BATF3: variants seen among roughly 807,000 people sequenced by gnomAD.
BATF3 encodes basic leucine zipper transcriptional factor ATF-like 3.
BATF3 carries 8 observed loss-of-function variants against 16.1 expected under a neutral mutation model. The observed-to-expected ratio is 0.50, with a 90% CI of 0.29 to 0.90. The LOEUF is 0.90. Among genes scored for constraint, BATF3 ranks in the 40% least tolerant of loss-of-function variants. The probability of loss-of-function intolerance (pLI) is 0.08; values close to 1 mark genes in which losing one functional copy is unlikely to be tolerated. For missense variants in BATF3, 139 were observed against 167.0 expected, an observed-to-expected ratio of 0.83 and a Z score of 0.92; for synonymous variants, 74 against 72.7, an observed-to-expected ratio of 1.02 and a Z score of -0.09.
intron 2 of BATF3, among the ~76,000 whole-genome samples, 194 bp downstream of exon 2, chr1:212,696,767 G>A (rs1254084727): frequency 6.6e-6 from 1 of 152,188 alleles, no homozygotes; most frequent in Non-Finnish European, 1.5e-5. Context: ...TTGACCATGA[G>A]AAGCACTCAG....
chr1:212,696,433 T>C (rs1283217276), intron 2 of BATF3, among the ~76,000 whole-genome samples: 2 of 151,688 alleles, frequency 1.3e-5, no homozygotes, highest in African/African-American at 2.4e-5. Flanking sequence ...GGTGTGTGTG[T>C]GTGTGTGTGT....
In BATF3 at chr1:212,691,435, T is replaced by C. The variant is rs535247764; in HGVS notation, c.196-4456A>G. ...CTGCTTTTAGTTAGCAGTGCCTGGG[T>C]CCAGATTTCCCCATGATGGTTACCA... On this transcript the variant is annotated intron_variant, in intron 2 of 2. Transcript: ENST00000243440. Among the ~76,000 whole-genome samples, 5 of 152,252 alleles carry C rather than the reference T, an allele frequency of 3.3e-5. No homozygotes were observed. In the South Asian group the frequency reaches 1.0e-3, roughly 32 times the overall value.
intron 2 of BATF3, among the ~76,000 whole-genome samples, chr1:212,694,406 A>C (rs1657077446): frequency 6.6e-6 from 1 of 152,074 alleles, no homozygotes; most frequent in Admixed American, 6.5e-5. Context: ...GCAAGGCATG[A>C]GATCTTCCTC....
chr1:212,697,416 T>G (rs947247882), intron 1 of BATF3: 1 of 156,058 alleles, frequency 6.4e-6, no homozygotes, highest in African/African-American at 2.6e-5. Flanking sequence ...CCACAGGGCG[T>G]GTGCCTGGAA....
rs149961248 is a variant in BATF3, at chr1:212,693,233, C to G, written c.195+3728G>C. ...TGGAAGGAACAGGGAAGGGATTACT[C>G]ACGTGGTGAGTAATGATTTGGTTCA... On this transcript the variant is annotated intron_variant, in intron 2 of 2. Coordinates refer to ENST00000243440, the MANE Select transcript of BATF3 (RefSeq NM_018664.3). Among the ~76,000 whole-genome samples the G allele has an allele frequency of 3.4e-3, 523 of 152,336 alleles. 1 individual carries two copies. Among genetic ancestry groups the G allele is most frequent in the African/African-American group, 0.012 (497 of 41,572 alleles).
chr1:212,696,836 G>A, intron 2 of BATF3, 125 bp downstream of exon 2: 1 of 728,280 alleles, frequency 1.4e-6, no homozygotes, highest in Non-Finnish European at 2.4e-6. Context: ...GGGCTGGAAG[G>A]ACCTGGCAGA....
rs561701716 is a variant in BATF3 at position 212,688,467 on chromosome 1, C to G, written c.196-1488G>C. On this transcript the variant is annotated intron_variant, in intron 2 of 2. Transcript: ENST00000243440. ...TATCTGCATGTGCTGCTTCTCCGTC[C>G]GTCCTTGGATGATGATGGATGCTAT... is the stretch of plus-strand genomic sequence containing the variant. Among the ~76,000 whole-genome samples the G allele has an allele frequency of 2.0e-4, 30 of 152,370 alleles. 1 individual carries two copies. In the South Asian group the frequency reaches 6.2e-3, roughly 32 times the overall value.
In BATF3 at chr1:212,697,033, C is replaced by T. The variant is rs770860309; in HGVS notation, c.123G>A (p.Arg41=). ...SPEDDDRKVR[R]REKNRVAAQR... ...GAGCAGCAACTCGGTTTTTTTCTCT[C>T]CTTCGGACCTTCCTGTCATCATCCT... Residue 41 remains arginine (R), a synonymous_variant, in exon 2 of 3, where the codon AGG becomes AGA. Transcript: ENST00000243440. The T allele has an allele frequency of 3.7e-6, 6 of 1,614,138 alleles. No individual in the cohort carries two copies. The East Asian group carries it at 1.1e-4, about 30-fold the overall frequency.
chr1:212,693,214 GAA>G (rs2102402289), intron 2 of BATF3, among the ~76,000 whole-genome samples: 1 of 152,352 alleles, frequency 6.6e-6, no homozygotes, highest in East Asian at 1.9e-4. Flanking sequence ...CTCCTGGAAG[GAA>G]CAGGGAAGGG....
chr1:212,688,298 A>C (rs1420220551), intron 2 of BATF3, among the ~76,000 whole-genome samples: 1 of 152,160 alleles, frequency 6.6e-6, no homozygotes, highest in African/African-American at 2.4e-5. Flanking sequence ...CCAATTTACC[A>C]GAATATCTCA....
chr1:212,688,805 T>A (rs561195167), intron 2 of BATF3, among the ~76,000 whole-genome samples: 6 of 152,354 alleles, frequency 3.9e-5, no homozygotes, highest in Non-Finnish European at 7.3e-5. Context: ...TAGTTTATAG[T>A]AAGGCTTTGT....
intron 2 of BATF3, among the ~76,000 whole-genome samples, chr1:212,691,472 C>T (rs1050620164): frequency 3.3e-5 from 5 of 152,172 alleles, no homozygotes; most frequent in African/African-American, 4.8e-5. Flanking sequence ...AAGTAAGAGG[C>T]CATAAGATCT....
At chr1:212,695,200 A>G (rs1407478931) in intron 2 of BATF3, among the ~76,000 whole-genome samples, 11 of 152,142 alleles carry the variant, frequency 7.2e-5, no homozygotes, top group Non-Finnish European at 1.6e-4. Context: ...CCACCTCTAC[A>G]AAACTACAAA....
chr1:212,691,782 C>T (rs1194460877), intron 2 of BATF3, among the ~76,000 whole-genome samples: 1 of 152,196 alleles, frequency 6.6e-6, no homozygotes, highest in African/African-American at 2.4e-5. Flanking sequence ...GGTGCCTGGT[C>T]GAGCCAGTCT....
At position 212,686,964 on chromosome 1, in the gene BATF3, C is replaced by G; in HGVS notation, c.211G>C (p.Glu71Gln). ...DKLHEEYESLEQENTMLRREI... is the reference protein window; with the variant it reads ...DKLHEEYESLQQENTMLRREI... ...CTCCGCAGCATGGTGTTTTCTTGCT[C>G]CAGGCTCTCATATTCCTGGGGGAGA... is the stretch of plus-strand genomic sequence containing the variant. The change falls in exon 3 of 3, where the codon GAG becomes CAG. Residue 71 changes from glutamate to glutamine, a missense_variant. Glu to Gln is a conservative substitution (Grantham distance 29, BLOSUM62 2). Transcript: ENST00000243440. The G allele has an allele frequency of 6.2e-7, 1 of 1,600,412 alleles. No individual in the cohort carries two copies. Among genetic ancestry groups the G allele is most frequent in the Non-Finnish European group, 8.6e-7 (1 of 1,167,456 alleles).
At position 212,699,639 on chromosome 1, in the gene BATF3, C is replaced by A; in HGVS notation, c.90+34G>T. On this transcript the variant is annotated intron_variant, in intron 1 of 2. Coordinates refer to ENST00000243440, the MANE Select transcript of BATF3 (RefSeq NM_018664.3). The surrounding 1 kb of genome is among the most constrained non-coding windows in gnomAD (Gnocchi z 4.4). ...CCCCCGCGGCGCGCCGGTCCCCGCA[C>A]CCCACGGCCCTCCCTGAGCCTCTCG... The A allele has an allele frequency of 7.8e-7, 1 of 1,285,696 alleles. No individual in the cohort carries two copies. The highest frequency in any genetic ancestry group is 9.9e-7 in the Non-Finnish European group (1 of 1,015,070). 79.6% of individuals were successfully genotyped at this position (1,285,696 alleles called of 1,614,324 possible). A position where few individuals can be genotyped will look rare whatever the true frequency, so the allele number is the denominator to read the frequency against.
chr1:212,695,435 A>C (rs6681731), intron 2 of BATF3, among the ~76,000 whole-genome samples: 29,030 of 137,562 alleles, frequency 0.21, 3,548 homozygotes, highest in East Asian at 0.27. Flanking sequence ...CAGAGGTTGC[A>C]GTGAGCTGAG....
chr1:212,693,348 A>G (rs939449718), intron 2 of BATF3, among the ~76,000 whole-genome samples: 1 of 152,180 alleles, frequency 6.6e-6, no homozygotes, highest in African/African-American at 2.4e-5. Context: ...GCTTGTGACC[A>G]ACGACACTTG....
At chr1:212,698,628 C>T (rs926430165) in intron 1 of BATF3, 9 of 152,194 alleles carry the variant, frequency 5.9e-5, no homozygotes, top group Non-Finnish European at 8.8e-5. Flanking sequence ...CTTCTCATGC[C>T]TCTTTGCTCT....
Sources: allele counts gnomAD v4.1 joint callset (sites outside exome capture counted in the v4.1 genomes callset), GRCh38; gene constraint gnomAD v4.1.1; non-coding constraint Gnocchi (gnomAD v3.1); transcripts MANE v1.5; gene names NCBI Gene and HGNC (gene_info 2026-07-23, HGNC 2026-07-21).